Variants in ARHGAP30 observed in about 807,000 individuals in gnomAD.
ARHGAP30 encodes the protein Rho GTPase activating protein 30, also known as rho GTPase-activating protein 30.
A neutral mutation model predicts 72.0 loss-of-function variants in ARHGAP30; 23 were observed. That is an observed-to-expected ratio of 0.32 (90% CI 0.23 to 0.45). The LOEUF is 0.45. Among genes scored for constraint, ARHGAP30 ranks in the 20% least tolerant of loss-of-function variants. The pLI is 1.00. For missense variants in ARHGAP30, 1,319 were observed against 1,383.4 expected, an observed-to-expected ratio of 0.95 and a Z score of 0.74; for synonymous variants, 576 against 528.2, an observed-to-expected ratio of 1.09 and a Z score of -1.24.
intron 1 of ARHGAP30, among the ~76,000 whole-genome samples, chr1:161,063,757 T>C (rs1652487584): frequency 6.6e-6 from 1 of 152,194 alleles, no homozygotes; most frequent in Admixed American, 6.5e-5. Context: ...CAGCATGGGA[T>C]ATCCCTGAGA....
chr1:161,056,258 G>T lies in ARHGAP30; in HGVS notation c.345+130C>A, dbSNP rs527910819. ...TTGGGGAGGAGGGGTCTTTTCCCCGGTAAGTTTTTCTGTGGTCTCTGTCAT... is the reference window on the plus strand; with the variant it reads ...TTGGGGAGGAGGGGTCTTTTCCCCGTTAAGTTTTTCTGTGGTCTCTGTCAT... On this transcript the variant is annotated intron_variant, in intron 3 of 11. Transcript: ENST00000368013. 82 of 1,307,688 alleles carry T rather than the reference G, an allele frequency of 6.3e-5. No homozygotes were observed. The African/African-American group carries it at 1.1e-3, about 17-fold the overall frequency. The allele number at this position is 1,307,688 out of a possible 1,614,324, so 81.0% of individuals were successfully genotyped here. A position where few individuals can be genotyped will look rare whatever the true frequency, so the allele number is the denominator to read the frequency against.
Position 161,056,544 on chromosome 1 carries a change from C to T in ARHGAP30, c.201-12G>A, listed in dbSNP as rs780842416. 6.2e-6 allele frequency: 10 copies of T among 1,609,490 alleles called. No homozygotes were observed. In the South Asian group the frequency reaches 7.7e-5, roughly 12 times the overall value. ...ACTCAAATTCCTGCCTGGGGAGGCG[C>T]GGTGTGGTCAGGAGTGGTAGGGGTT... is the stretch of plus-strand genomic sequence containing the variant. On this transcript the variant is annotated splice_polypyrimidine_tract_variant and intron_variant, in intron 2 of 11. Coordinates refer to ENST00000368013, the MANE Select transcript of ARHGAP30 (RefSeq NM_001025598.2).
chr1:161,064,821 A>AAG (rs746384172), intron 1 of ARHGAP30, among the ~76,000 whole-genome samples: 2 of 71,080 alleles, frequency 2.8e-5, no homozygotes, highest in Non-Finnish European at 5.6e-5. Flanking sequence ...GAAAGAAAGA[A>AAG]AGAAAGAAAG....
intron 2 of ARHGAP30, among the ~76,000 whole-genome samples, chr1:161,057,980 C>T (rs576470439): frequency 7.4e-4 from 112 of 152,174 alleles, no homozygotes; most frequent in African/African-American, 2.6e-3. Context: ...GGAGGAACCC[C>T]GTCTCTACTA....
At chr1:161,065,932 T>C (rs1242538955) in intron 1 of ARHGAP30, among the ~76,000 whole-genome samples, 1 of 150,934 alleles carries the variant, frequency 6.6e-6, no homozygotes, top group Non-Finnish European at 1.5e-5. Flanking sequence ...AGTCTCACTT[T>C]GTTGCCCAGG....
At chr1:161,068,940 G>T (rs925370726) in intron 1 of ARHGAP30, among the ~76,000 whole-genome samples, 1 of 152,126 alleles carries the variant, frequency 6.6e-6, no homozygotes, top group East Asian at 1.9e-4. Flanking sequence ...CTTTTGCACA[G>T]GGACAACAAG....
At chr1:161,059,550 T>C (rs1652166101) in intron 2 of ARHGAP30, 64 bp downstream of exon 2, 3 of 1,418,222 alleles carry the variant, frequency 2.1e-6, no homozygotes, top group African/African-American at 2.8e-5. Context: ...TCAGCAACTC[T>C]TACTGTGACC....
At position 161,065,147 on chromosome 1, in the gene ARHGAP30, A is replaced by G. The variant is rs192061672; in HGVS notation, c.97+4381T>C. 3.0e-3 allele frequency among the ~76,000 whole-genome samples: 455 copies of G among 152,080 alleles called. 2 individuals carry two copies. The highest frequency in any genetic ancestry group is 0.01 in the African/African-American group (430 of 41,492). On this transcript the variant is annotated intron_variant, in intron 1 of 11. Coordinates refer to ENST00000368013, the MANE Select transcript of ARHGAP30 (RefSeq NM_001025598.2). ...ACGCCACCATGCCCTGCTAATTTTT[A>G]TGTTATTTAGTAGGGATGGGGTCTC...
intron 1 of ARHGAP30, among the ~76,000 whole-genome samples, chr1:161,068,238 C>G (rs1298488460): frequency 6.6e-6 from 1 of 152,196 alleles, no homozygotes; most frequent in Non-Finnish European, 1.5e-5. Flanking sequence ...AATCATAGCT[C>G]TTGAGAGGAG....
At position 161,047,887 on chromosome 1, in the gene ARHGAP30, C is replaced by A. The variant is rs759679526; in HGVS notation, c.3134G>T (p.Arg1045Leu). 1 of 1,611,514 alleles carries A rather than the reference C, an allele frequency of 6.2e-7. No homozygotes were observed. Among genetic ancestry groups the A allele is most frequent in the Non-Finnish European group, 8.5e-7 (1 of 1,178,794 alleles). ...TGGGAGCTCCAGGCAGCTAAGGGGC[C>A]GAGGAGAATGGGCAGAGATCATGCT... is the stretch of plus-strand genomic sequence containing the variant. ...PCSMISAHSP[R>L]PLSCLELPSE... The change falls in exon 12 of 12, where the codon CGG becomes CTG. Residue 1045 changes from arginine to leucine, a missense_variant. Transcript: ENST00000368013.
intron 1 of ARHGAP30, among the ~76,000 whole-genome samples, chr1:161,066,890 C>T (rs767038816): frequency 2.0e-5 from 3 of 152,070 alleles, no homozygotes; most frequent in Non-Finnish European, 4.4e-5. Flanking sequence ...GCTGTACTCT[C>T]GGGTGCCTAA....
At position 161,051,697 on chromosome 1, in the gene ARHGAP30, C is replaced by T; in HGVS notation, c.1037G>A (p.Gly346Glu). ...GASDEPEGLV[G>E]PSSPRPSPLL... ...TGGGCTTGGCCGGGGGCTGCTGGGC[C>T]CCACCAGCCCCTCTGGCTCTGTGGA... The change falls in exon 10 of 12, where the codon GGG becomes GAG. Residue 346 changes from glycine (G) to glutamate (E), a missense_variant. This residue lies in a region of ARHGAP30 where 1,097 missense variants were observed against 1,045.2 expected (regional missense o/e 1.05). Coordinates refer to ENST00000368013, the MANE Select transcript of ARHGAP30 (RefSeq NM_001025598.2). 5 of 1,610,206 alleles carry T rather than the reference C, an allele frequency of 3.1e-6. No homozygotes were observed. Among genetic ancestry groups the T allele is most frequent in the Non-Finnish European group, 4.2e-6 (5 of 1,178,564 alleles).
chr1:161,052,895 G>A (rs1651521536), intron 6 of ARHGAP30, 98 bp from the exon 7 acceptor site: 1 of 1,434,378 alleles, frequency 7.0e-7, no homozygotes, highest in South Asian at 1.3e-5. Flanking sequence ...ACCAGGTTAG[G>A]GATATATTCA....
At chr1:161,061,447 C>CCAGATAATTTT (rs1170798581) in intron 1 of ARHGAP30, among the ~76,000 whole-genome samples, 6 of 150,498 alleles carry the variant, frequency 4.0e-5, no homozygotes, top group Middle Eastern at 3.5e-3. Context: ...GCCACCGCGC[C>CCAGATAATTTT]TGACCTGCTT....
rs17854840 is a variant in ARHGAP30, at chr1:161,049,251, G to A, written c.1770C>T (p.Ser590=). The part of the protein sequence containing the change: ...AQFVLAPSCC[S]LDSAGPRPEV... ...CAGGCCTGGGGCCAGCGGAGTCCAG[G>A]GAACAGCAGCTGGGGGCCAAGACAA... The change falls in exon 12 of 12, where the codon TCC becomes TCT. Residue 590 remains serine, a synonymous_variant. Transcript: ENST00000368013. 1.1e-5 allele frequency: 17 copies of A among 1,613,966 alleles called. No homozygotes were observed. Among genetic ancestry groups the A allele is most frequent in the Admixed American group, 3.3e-5 (2 of 59,990 alleles).
rs746082362 is a variant in ARHGAP30 at position 161,053,330 on chromosome 1, G to A, written c.592C>T (p.Arg198Trp). Residue 198 changes from arginine (R) to tryptophan (W), a missense_variant, in exon 6 of 12, where the codon CGG becomes TGG. Transcript: ENST00000368013. Reference sequence around the variant, plus strand: ...AACTCCACGACGATGGATTGTACCCGCACCTCCATGAAGGCCGCTGTCCCA... The same window carrying A: ...AACTCCACGACGATGGATTGTACCCACACCTCCATGAAGGCCGCTGTCCCA... ...FNGTAAFMEV[R>W]VQSIVVEFIL... The A allele has an allele frequency of 3.7e-6, 6 of 1,613,866 alleles. No individual in the cohort carries two copies. Among genetic ancestry groups the A allele is most frequent in the Non-Finnish European group, 5.1e-6 (6 of 1,180,010 alleles).
chr1:161,053,444 C>G, intron 5 of ARHGAP30, 59 bp from the exon 6 acceptor site: 1 of 1,550,774 alleles, frequency 6.4e-7, no homozygotes, highest in Middle Eastern at 2.1e-4. Context: ...AATCCAGATT[C>G]TCCCTGAAAA....
In ARHGAP30 at chr1:161,048,835, A is replaced by G. The variant is rs769995719; in HGVS notation, c.2186T>C (p.Met729Thr). The G allele has an allele frequency of 3.1e-6, 5 of 1,613,786 alleles. No homozygotes were observed. The highest frequency in any genetic ancestry group is 2.2e-5 in the East Asian group (1 of 44,868). The change falls in exon 12 of 12, where the codon ATG becomes ACG. Residue 729 changes from methionine (M) to threonine (T), a missense_variant. This residue lies in a region of ARHGAP30 where 1,097 missense variants were observed against 1,045.2 expected (regional missense o/e 1.05). Transcript: ENST00000368013. ...KSKGQKKADSMEAKGVEEPGG... is the reference protein window; with the variant it reads ...KSKGQKKADSTEAKGVEEPGG... The stretch of plus-strand genomic sequence containing the variant: ...TGGTTCCTCCACACCTTTAGCCTCC[A>G]TACTGTCAGCCTTCTTCTGACCTTT...
Position 161,065,872 on chromosome 1 carries a change from T to TTTAG in ARHGAP30, c.97+3655_97+3656insCTAA, listed in dbSNP as rs560515090. Among the ~76,000 whole-genome samples the TTTAG allele has an allele frequency of 3.4e-3, 308 of 90,990 alleles. 1 individual carries two copies. Among genetic ancestry groups the TTTAG allele is most frequent in the African/African-American group, 0.025 (296 of 11,786 alleles). The allele number at this position is 90,990 out of a possible 152,430, so 59.7% of individuals were successfully genotyped here. A position where few individuals can be genotyped will look rare whatever the true frequency, so the allele number is the denominator to read the frequency against. On this transcript the variant is annotated intron_variant, in intron 1 of 11. Coordinates refer to ENST00000368013, the MANE Select transcript of ARHGAP30 (RefSeq NM_001025598.2). ...GTGAGCCACTGCACCCGGCCCCTTA[T>TTTAG]TTATTTATTTATTTATTTATTTATT... is the stretch of plus-strand genomic sequence containing the variant.
Sources: allele counts gnomAD v4.1 joint callset (sites outside exome capture counted in the v4.1 genomes callset), GRCh38; gene constraint gnomAD v4.1.1; regional missense constraint gnomAD v4.1.1; transcripts MANE v1.5; gene names NCBI Gene and HGNC (gene_info 2026-07-23, HGNC 2026-07-21).